CDKL5: variants seen among roughly 807,000 people sequenced by gnomAD.
CDKL5 encodes the protein cyclin dependent kinase like 5, also known as cyclin-dependent kinase-like 5.
CDKL5 carries 8 observed loss-of-function variants against 61.7 expected under a neutral mutation model. That is an observed-to-expected ratio of 0.13 (90% confidence interval 0.08 to 0.23). CDKL5 has a LOEUF of 0.23. Ranked by LOEUF, CDKL5 falls within the 10% of genes least tolerant of loss-of-function variation. The probability of loss-of-function intolerance (pLI) is 1.00; values close to 1 mark genes in which losing one functional copy is unlikely to be tolerated. For synonymous variants in CDKL5, 275 were observed against 272.3 expected (o/e 1.01, Z -0.10); for missense variants, 440 against 734.5 (o/e 0.60, Z 4.63).
intron 4 of CDKL5, among the ~76,000 whole-genome samples, chrX:18,566,398 C>A (rs759404000): frequency 3.5e-5 from 4 of 112,738 alleles, no homozygotes; most frequent in Non-Finnish European, 7.5e-5. Flanking sequence ...CAAAGTGATC[C>A]GCCTGCCTTG....
At chrX:18,570,242 C>A (rs767594310) in intron 4 of CDKL5, among the ~76,000 whole-genome samples, 1 of 112,082 alleles carries the variant, frequency 8.9e-6, no homozygotes, top group Non-Finnish European at 1.9e-5. Flanking sequence ...ATTTGATTAA[C>A]TGAGCTTGAG....
chrX:18,586,031 A>T (rs1188722535), intron 8 of CDKL5, among the ~76,000 whole-genome samples: 1 of 111,455 alleles, frequency 9.0e-6, no homozygotes, highest in Non-Finnish European at 1.9e-5. Context: ...GTAATTCTTG[A>T]TTCATTGCTG....
chrX:18,515,994 C>T, intron 3 of CDKL5, among the ~76,000 whole-genome samples: 1 of 109,006 alleles, frequency 9.2e-6, no homozygotes, highest in East Asian at 3.2e-4. Flanking sequence ...TTTCTTCTTT[C>T]CTTCTTTCTC....
chrX:18,650,254 G>A (rs752242995), intron 20 of CDKL5: 25 of 527,172 alleles, frequency 4.7e-5, no homozygotes, highest in Non-Finnish European at 7.3e-5. Flanking sequence ...CTCACTCTGC[G>A]ATCTAAAGAC....
intron 1 of CDKL5, among the ~76,000 whole-genome samples, chrX:18,434,851 C>T (rs1046778356): frequency 8.9e-6 from 1 of 111,780 alleles, no homozygotes; most frequent in African/African-American, 3.2e-5. Flanking sequence ...TCCCATGAAC[C>T]TGGGAGGCAG....
intron 1 of CDKL5, among the ~76,000 whole-genome samples, chrX:18,444,874 C>T (rs944123979): frequency 2.7e-5 from 3 of 111,141 alleles, no homozygotes; most frequent in African/African-American, 6.5e-5. Context: ...GACAATTTAA[C>T]GATTGTTTGC....
chrX:18,457,570 G>A (rs1932171475), intron 1 of CDKL5: 1 of 111,247 alleles, frequency 9.0e-6, no homozygotes, highest in Non-Finnish European at 1.9e-5. Context: ...TAGCATCTCT[G>A]AAATCCAGAT....
chrX:18,650,527 C>T lies in CDKL5; in HGVS notation c.2915C>T (p.Thr972Ile), dbSNP rs1223372092. Reference sequence around the variant, plus strand: ...TATCCAGTACTCCAGGTCCGAGGCACTTCCATGTGCCCGACACTCCAGGTC... The same window carrying T: ...TATCCAGTACTCCAGGTCCGAGGCATTTCCATGTGCCCGACACTCCAGGTC... Residue 972 changes from threonine (T) to isoleucine (I), a missense_variant, in exon 21 of 22, where the codon ACT (threonine) becomes ATT (isoleucine). Physicochemically the swap from Thr to Ile is moderately conservative, Grantham distance 89 (BLOSUM62 -1). Transcript: ENST00000379989. The T allele has an allele frequency of 8.2e-7, 1 of 1,212,298 alleles. No homozygotes were observed. The highest frequency in any genetic ancestry group is 1.8e-5 in the South Asian group (1 of 57,044).
chrX:18,635,329 G>A lies in CDKL5; in HGVS notation c.*6572G>A. On this transcript the variant is annotated 3_prime_UTR_variant, in exon 18 of 18. Transcript: ENST00000623535. ...CAGCATGAAATGGTTAATTTTTACT[G>A]AGCACAATGTATTTTTGAATGGATC... The A allele has an allele frequency of 1.3e-6, 1 of 752,268 alleles. No homozygotes were observed. The highest frequency in any genetic ancestry group is 1.6e-6 in the Non-Finnish European group (1 of 637,690). The allele number at this position is 752,268 out of a possible 1,213,427, so 62.0% of individuals were successfully genotyped here.
At chrX:18,492,901 C>T (rs778859542) in intron 1 of CDKL5, among the ~76,000 whole-genome samples, 3 of 111,483 alleles carry the variant, frequency 2.7e-5, no homozygotes, top group Non-Finnish European at 5.6e-5. Context: ...TATTCTTGTT[C>T]AAAACCCTCC....
At chrX:18,652,600 C>T (rs1347243015) in intron 21 of CDKL5, among the ~76,000 whole-genome samples, 1 of 110,993 alleles carries the variant, frequency 9.0e-6, no homozygotes, top group Non-Finnish European at 1.9e-5. Flanking sequence ...ACCCAGGAGG[C>T]AGAGCTTGCA....
intron 9 of CDKL5, among the ~76,000 whole-genome samples, chrX:18,590,273 A>T (rs1332967305): frequency 8.9e-6 from 1 of 111,990 alleles, no homozygotes; most frequent in African/African-American, 3.2e-5. Flanking sequence ...TTTTAGGTCT[A>T]ACATTAAGTG....
intron 3 of CDKL5, among the ~76,000 whole-genome samples, chrX:18,528,585 CCTCTCT>C (rs752729307): frequency 6.4e-4 from 66 of 103,817 alleles, no homozygotes; most frequent in African/African-American, 1.7e-3. Flanking sequence ...TCCCTCCCTG[CCTCTCT>C]CTCTCTCTCT....
At chrX:18,614,564 G>C (rs1444351274) in intron 15 of CDKL5, among the ~76,000 whole-genome samples, 1 of 112,085 alleles carries the variant, frequency 8.9e-6, no homozygotes, top group East Asian at 2.8e-4. Flanking sequence ...CTAGAATAAT[G>C]CCTGGCTCCG....
chrX:18,626,709 TCTCTCTCTCTCTCTCCCCCCTCTCTCCCC>T, intron 17 of CDKL5: 1 of 43,828 alleles, frequency 2.3e-5, no homozygotes, highest in African/African-American at 1.0e-4. Flanking sequence ...TCTCTCTCTC[TCTCTCTCTCTCTCTCCCCCCTCTCTCCCC>T]CCCCCTCCCC....
At chrX:18,468,265 G>A (rs1007889382) in intron 1 of CDKL5, among the ~76,000 whole-genome samples, 2 of 112,245 alleles carry the variant, frequency 1.8e-5, no homozygotes, top group African/African-American at 6.5e-5. Context: ...CAGTGTTCTG[G>A]ATTCTTTTCA....
chrX:18,609,991 CATA>C (rs1462663692), intron 14 of CDKL5, among the ~76,000 whole-genome samples: 3 of 112,045 alleles, frequency 2.7e-5, no homozygotes, highest in South Asian at 3.7e-4. Context: ...GGACACTAAA[CATA>C]ATAATTATAT....
chrX:18,547,655 C>T (rs1602253705), intron 3 of CDKL5, among the ~76,000 whole-genome samples: 1 of 111,753 alleles, frequency 8.9e-6, no homozygotes, highest in East Asian at 2.8e-4. Context: ...CCTCCTTTTG[C>T]TTTAGTGCTC....
intron 21 of CDKL5, among the ~76,000 whole-genome samples, chrX:18,651,406 AG>A (rs1310754481): frequency 7.2e-5 from 8 of 110,963 alleles, no homozygotes; most frequent in African/African-American, 2.6e-4. Context: ...ATTGCCCAAG[AG>A]AAGGAGGTCA....
Sources: gnomAD v4.1 joint callset for allele counts (sites outside exome capture counted in the v4.1 genomes callset) on GRCh38, gnomAD v4.1.1 for gene constraint, MANE v1.5 for transcripts, NCBI Gene and HGNC (gene_info 2026-07-23, HGNC 2026-07-21) for gene names.